GLMN: variants seen among roughly 807,000 people sequenced by gnomAD.
GLMN encodes the protein glomulin.
GLMN carries 75 observed loss-of-function variants against 87.8 expected under a neutral mutation model. The observed-to-expected ratio is 0.85, with a 90% confidence interval of 0.71 to 1.04. GLMN has a LOEUF of 1.04. Ranked by LOEUF, GLMN falls within the 50% of genes least tolerant of loss-of-function variation. The pLI is 0.00. For missense variants in GLMN, 588 were observed against 658.8 expected (o/e 0.89, Z 1.18); for synonymous variants, 206 against 221.6 (o/e 0.93, Z 0.63).
chr1:92,361,963 T>C, the GLMN span, among the ~76,000 whole-genome samples: 1 of 152,322 alleles, frequency 6.6e-6, no homozygotes, highest in African/African-American at 2.4e-5. Context: ...GATACAATTC[T>C]GGAGAATTCT....
chr1:92,341,512 C>G, the GLMN span, among the ~76,000 whole-genome samples: 1 of 152,094 alleles, frequency 6.6e-6, no homozygotes, highest in Non-Finnish European at 1.5e-5. Flanking sequence ...AAAGCAAAAC[C>G]TCTTATTTGT....
At chr1:92,302,102 G>A (rs559553129), upstream of GLMN, among the ~76,000 whole-genome samples, 2 of 152,230 alleles carry the variant, frequency 1.3e-5, no homozygotes, top group Admixed American at 1.3e-4. Context: ...CCAACATGGT[G>A]AAACCTCGTT....
the GLMN span, among the ~76,000 whole-genome samples, chr1:92,350,457 C>T: frequency 6.6e-6 from 1 of 152,108 alleles, no homozygotes; most frequent in African/African-American, 2.4e-5. Context: ...TGTAATTTTG[C>T]ATCTTAGTTG....
At chr1:92,281,489 C>T (rs530178661) in intron 7 of GLMN, among the ~76,000 whole-genome samples, 1 of 152,090 alleles carries the variant, frequency 6.6e-6, no homozygotes, top group Admixed American at 6.6e-5. Flanking sequence ...TGAATAGGAA[C>T]GACCGGTACC....
chr1:92,338,883 C>T, the GLMN span, among the ~76,000 whole-genome samples: 339 of 152,124 alleles, frequency 2.2e-3, 1 homozygote, highest in Admixed American at 3.0e-3. Context: ...GGATTACAGA[C>T]ACAGGCAAGA....
At chr1:92,274,584 G>C (rs1399768415) in intron 7 of GLMN, among the ~76,000 whole-genome samples, 1 of 152,024 alleles carries the variant, frequency 6.6e-6, no homozygotes, top group African/African-American at 2.4e-5. Flanking sequence ...CCCTATAACA[G>C]GCTAGTCTCA....
chr1:92,264,737 T>G, intron 13 of GLMN, 99 bp from the exon 14 acceptor site: 2 of 739,778 alleles, frequency 2.7e-6, no homozygotes, highest in South Asian at 2.9e-5. Context: ...CATGTGTTAC[T>G]TCTAGGAATA....
At chr1:92,358,119 C>G in the GLMN span, among the ~76,000 whole-genome samples, 1 of 152,164 alleles carries the variant, frequency 6.6e-6, no homozygotes, top group Non-Finnish European at 1.5e-5. Context: ...GGAGCCAGAT[C>G]TGATACTATC....
At chr1:92,356,582 C>T in the GLMN span, among the ~76,000 whole-genome samples, 3,816 of 76,424 alleles carry the variant, frequency 0.05, 117 homozygotes, top group African/African-American at 0.13. Flanking sequence ...CCACTCCTGG[C>T]TAATTTTTTT....
chr1:92,268,703 T>C (rs540241184), intron 9 of GLMN, among the ~76,000 whole-genome samples: 1 of 152,310 alleles, frequency 6.6e-6, no homozygotes, highest in South Asian at 2.1e-4. Context: ...GCTTTGGACA[T>C]TGCCATGTTA....
rs535153831 is a variant in GLMN at position 92,266,310 on chromosome 1, G to A, written c.1214+109C>T. On this transcript the variant is annotated intron_variant, in intron 13 of 18. Transcript: ENST00000370360. Reference sequence around the variant, plus strand: ...TATAATATGGGTTCCAACCAGAGTTGAATTACATGTAAAACATACCGACAT... The same window carrying A: ...TATAATATGGGTTCCAACCAGAGTTAAATTACATGTAAAACATACCGACAT... 12 of 725,434 alleles carry A rather than the reference G, an allele frequency of 1.7e-5. No individual in the cohort carries two copies. The African/African-American group carries it at 2.1e-4, about 13-fold the overall frequency. The allele number at this position is 725,434 out of a possible 1,614,324, so 44.9% of individuals were successfully genotyped here.
chr1:92,352,513 CAA>C, the GLMN span, among the ~76,000 whole-genome samples: 1 of 152,132 alleles, frequency 6.6e-6, no homozygotes, highest in African/African-American at 2.4e-5. Context: ...CCATGAAAAA[CAA>C]AGAGATGGTT....
chr1:92,345,991 T>A, the GLMN span: 1 of 1,038,620 alleles, frequency 9.6e-7, no homozygotes, highest in South Asian at 1.4e-5. Context: ...AGTGATCCAC[T>A]GATTTTGTAA....
At chr1:92,345,868 C>T in the GLMN span, 9 of 1,602,234 alleles carry the variant, frequency 5.6e-6, no homozygotes, top group Non-Finnish European at 6.8e-6. Flanking sequence ...AAATATTATA[C>T]ACAAACCTGC....
chr1:92,361,788 A>G, the GLMN span, among the ~76,000 whole-genome samples: 1 of 152,210 alleles, frequency 6.6e-6, no homozygotes, highest in Non-Finnish European at 1.5e-5. Context: ...ACTTTTTAAA[A>G]TGTTTCTTTG....
the GLMN span, among the ~76,000 whole-genome samples, chr1:92,364,589 A>G: frequency 6.6e-6 from 1 of 152,136 alleles, no homozygotes; most frequent in Non-Finnish European, 1.5e-5. Flanking sequence ...TTGCCTTTCA[A>G]ATGGCCCCTT....
At chr1:92,368,668 A>C in the GLMN span, among the ~76,000 whole-genome samples, 1 of 152,208 alleles carries the variant, frequency 6.6e-6, no homozygotes, top group Non-Finnish European at 1.5e-5. Context: ...TATCTTGCCC[A>C]AACTTGGAAA....
rs1256018058 is a variant in GLMN, at chr1:92,288,958, T to TTCTTTGTTATCAATGACTTC, written c.568_587dup (p.Asn197LysfsTer15). 1.2e-6 allele frequency: 2 copies of TTCTTTGTTATCAATGACTTC among 1,610,444 alleles called. No homozygotes were observed. Among genetic ancestry groups the TTCTTTGTTATCAATGACTTC allele is most frequent in the Non-Finnish European group, 1.7e-6 (2 of 1,176,842 alleles). On this transcript the variant is annotated frameshift_variant, in exon 6 of 19. Coordinates refer to ENST00000370360, the MANE Select transcript of GLMN (RefSeq NM_053274.3). LOFTEE classifies it high-confidence loss of function. ...TTAACTTTTCATTTTCCAGTGAGTTTTCTTTGTTATCAATGACTTCTTCCA... is the reference window on the plus strand; with the variant it reads ...TTAACTTTTCATTTTCCAGTGAGTTTTCTTTGTTATCAATGACTTCTCTTTGTTATCAATGACTTCTTCCA...
intron 7 of GLMN, among the ~76,000 whole-genome samples, chr1:92,281,352 C>A (rs900741566): frequency 6.6e-6 from 1 of 152,180 alleles, no homozygotes; most frequent in African/African-American, 2.4e-5. Context: ...CCCAGAATTT[C>A]ATATCCAGCC....
Sources: allele counts gnomAD v4.1 joint callset (sites outside exome capture counted in the v4.1 genomes callset), GRCh38; gene constraint gnomAD v4.1.1; transcripts MANE v1.5; gene names NCBI Gene and HGNC (gene_info 2026-07-23, HGNC 2026-07-21).